SYT16: variants seen among roughly 807,000 people sequenced by gnomAD.
The protein encoded by SYT16 is synaptotagmin 16, also known as synaptotagmin-16.
SYT16 carries 42 observed loss-of-function variants against 61.4 expected under a neutral mutation model. The observed-to-expected ratio is 0.68, with a 90% confidence interval of 0.53 to 0.89. SYT16 has a LOEUF of 0.89. Ranked by LOEUF, SYT16 falls within the 40% of genes least tolerant of loss-of-function variation. SYT16 has a pLI of 0.00. For synonymous variants in SYT16, 314 were observed against 302.3 expected, an observed-to-expected ratio of 1.04 and a Z score of -0.40; for missense variants, 804 against 807.3, an observed-to-expected ratio of 1.00 and a Z score of 0.05.
intron 2 of SYT16, among the ~76,000 whole-genome samples, chr14:61,973,700 G>A (rs2051660426): frequency 6.6e-6 from 1 of 152,114 alleles, no homozygotes; most frequent in Non-Finnish European, 1.5e-5. Flanking sequence ...GCAAAATTTA[G>A]GAGTTGGCGC....
chr14:61,985,836 C>G (rs8010812), intron 2 of SYT16, among the ~76,000 whole-genome samples: 78,578 of 151,824 alleles, frequency 0.52, 21,188 homozygotes, highest in East Asian at 0.75. Context: ...GATATGGCTG[C>G]TAGATGCTAC....
In SYT16 at chr14:61,832,399, C is replaced by G. The variant is rs573553830; in HGVS notation, c.-325+19589C>G. On this transcript the variant is annotated intron_variant, in intron 1 of 7. Transcript: ENST00000683842. ...CCGCAGCTGCCCCACCACCGCCGCCCTCTATGCCCGGTGTCCCGCGACCCC... is the reference window on the plus strand; with the variant it reads ...CCGCAGCTGCCCCACCACCGCCGCCGTCTATGCCCGGTGTCCCGCGACCCC... 1.4e-3 allele frequency: 733 copies of G among 521,114 alleles called. 12 individuals are homozygous for G. The highest frequency in any genetic ancestry group is 0.01 in the South Asian group (692 of 68,890). The allele number at this position is 521,114 out of a possible 1,614,324, so 32.3% of individuals were successfully genotyped here.
At chr14:61,859,855 C>G (rs1201900116) in intron 1 of SYT16, among the ~76,000 whole-genome samples, 1 of 152,090 alleles carries the variant, frequency 6.6e-6, no homozygotes, top group East Asian at 1.9e-4. Flanking sequence ...AACATAAATC[C>G]ATTTGAAGGC....
At position 62,090,435 on chromosome 14, in the gene SYT16, GT is replaced by G. The variant is rs2057033730; in HGVS notation, c.1624+6051del. Among the ~76,000 whole-genome samples the G allele has an allele frequency of 1.3e-5, 2 of 152,188 alleles. 1 individual carries two copies. Among genetic ancestry groups the G allele is most frequent in the South Asian group, 4.1e-4 (2 of 4,828 alleles). ...CCCTCATGTTTTGTGTGAAGAACAA[GT>G]GGGATTCAGAAAATGTGCTCTACAG... On this transcript the variant is annotated intron_variant, in intron 7 of 7. Transcript: ENST00000683842.
intron 7 of SYT16, among the ~76,000 whole-genome samples, chr14:62,088,156 G>C (rs1427805329): frequency 6.6e-6 from 1 of 152,312 alleles, no homozygotes; most frequent in Admixed American, 6.5e-5. Flanking sequence ...ACCCATGCAA[G>C]AATGTTTATA....
intron 1 of SYT16, among the ~76,000 whole-genome samples, chr14:61,924,497 A>G (rs1377555882): frequency 4.6e-5 from 7 of 152,190 alleles, no homozygotes; most frequent in Admixed American, 4.6e-4. Context: ...ACGAGGGTGT[A>G]TTTCCTTTTC....
chr14:62,078,124 TCTAGTGCTCTCTCG>T (rs2056564569), intron 5 of SYT16, among the ~76,000 whole-genome samples: 1 of 149,638 alleles, frequency 6.7e-6, no homozygotes, highest in African/African-American at 2.5e-5. Context: ...TCTCTCTCTC[TCTAGTGCTCTCTCG>T]CTCTCTCTCT....
intron 3 of SYT16, among the ~76,000 whole-genome samples, chr14:62,046,002 G>C (rs1387217934): frequency 6.6e-6 from 1 of 152,138 alleles, no homozygotes; most frequent in Non-Finnish European, 1.5e-5. Flanking sequence ...GGTATTTCTA[G>C]TTCTAGATCC....
intron 2 of SYT16, among the ~76,000 whole-genome samples, chr14:61,990,309 C>T (rs952303967): frequency 3.3e-5 from 5 of 152,070 alleles, no homozygotes; most frequent in Non-Finnish European, 1.5e-5. Flanking sequence ...AAATAACCAA[C>T]GTTTTATAGG....
At chr14:61,989,878 C>A (rs1381175959) in intron 2 of SYT16, among the ~76,000 whole-genome samples, 1 of 152,174 alleles carries the variant, frequency 6.6e-6, no homozygotes, top group East Asian at 1.9e-4. Context: ...TTAACTGCCT[C>A]CCTGAAGTCC....
At chr14:61,865,040 C>A in intron 1 of SYT16, 1 of 1,410,092 alleles carries the variant, frequency 7.1e-7, no homozygotes, top group Non-Finnish European at 1.0e-6. Context: ...CTGCTGTATT[C>A]GGCTGCGGAG....
rs1382240313 is a variant in SYT16, at chr14:62,112,113, T to C, written c.*11406T>C. ...TGATGGTTTTAATGTATTACTATCT[T>C]ACTATTATGTATTGTGTTTAAACAA... On this transcript the variant is annotated 3_prime_UTR_variant, in exon 8 of 8. Coordinates refer to ENST00000683842, the MANE Select transcript of SYT16 (RefSeq NM_001367656.1). The C allele has an allele frequency of 1.3e-5, 2 of 152,160 alleles. No individual in the cohort carries two copies. The highest frequency in any genetic ancestry group is 2.9e-5 in the Non-Finnish European group (2 of 67,978). 9.4% of individuals were successfully genotyped at this position (152,160 alleles called of 1,614,324 possible).
At chr14:61,829,740 C>T (rs919437911) in intron 1 of SYT16, among the ~76,000 whole-genome samples, 9 of 151,976 alleles carry the variant, frequency 5.9e-5, no homozygotes, top group African/African-American at 1.2e-4. Flanking sequence ...TTGCAAGCTC[C>T]GCCTCCCGGG....
chr14:61,869,743 T>C (rs1010882339), intron 1 of SYT16, among the ~76,000 whole-genome samples: 2 of 152,174 alleles, frequency 1.3e-5, no homozygotes, highest in Non-Finnish European at 2.9e-5. Context: ...TTAGGGTCCT[T>C]ATAATAAGAG....
chr14:61,975,786 G>T (rs2051765141), intron 2 of SYT16, among the ~76,000 whole-genome samples: 1 of 152,108 alleles, frequency 6.6e-6, no homozygotes, highest in Non-Finnish European at 1.5e-5. Flanking sequence ...GGGACACAAA[G>T]CCTAACCATA....
At chr14:61,865,472 A>G (rs952354582) in intron 1 of SYT16, among the ~76,000 whole-genome samples, 5 of 152,136 alleles carry the variant, frequency 3.3e-5, no homozygotes, top group African/African-American at 1.2e-4. Flanking sequence ...GAGTTAGACT[A>G]TTTAACAGTT....
intron 1 of SYT16, chr14:61,831,981 G>T: frequency 1.6e-6 from 1 of 610,226 alleles, no homozygotes; most frequent in East Asian, 3.3e-5. Context: ...AAAGGTGTGC[G>T]GGATGGGGCC....
At chr14:62,011,870 TATATACACAC>T (rs1461250469) in intron 3 of SYT16, among the ~76,000 whole-genome samples, 3 of 124,034 alleles carry the variant, frequency 2.4e-5, no homozygotes, top group African/African-American at 7.9e-5. Flanking sequence ...GGGAACACTA[TATATACACAC>T]ACACACACAC....
chr14:62,050,760 A>G (rs1288242155), intron 3 of SYT16, among the ~76,000 whole-genome samples: 3 of 152,112 alleles, frequency 2.0e-5, no homozygotes, highest in Non-Finnish European at 2.9e-5. Flanking sequence ...TTGCCTGGGT[A>G]TCAGCAGTGG....
Sources: allele counts gnomAD v4.1 joint callset (sites outside exome capture counted in the v4.1 genomes callset), GRCh38; gene constraint gnomAD v4.1.1; transcripts MANE v1.5; gene names NCBI Gene and HGNC (gene_info 2026-07-23, HGNC 2026-07-21).